Variants in SLC9C2 observed in about 807,000 individuals in gnomAD.
SLC9C2 encodes solute carrier family 9 member C2 (putative).
In SLC9C2, 75 loss-of-function variants were observed where a neutral mutation model predicts 140.2. The ratio of observed to expected loss-of-function variants is 0.53; its 90% CI spans 0.44 to 0.65. The LOEUF (loss-of-function observed/expected upper bound fraction) is 0.65. Among genes scored for constraint, SLC9C2 ranks in the 30% least tolerant of loss-of-function variants. SLC9C2 has a pLI of 0.00. For missense variants in SLC9C2, 1,074 were observed against 1,331.8 expected, an observed-to-expected ratio of 0.81 and a Z score of 3.01; for synonymous variants, 375 against 420.9, an observed-to-expected ratio of 0.89 and a Z score of 1.34.
intron 14 of SLC9C2, among the ~76,000 whole-genome samples, chr1:173,536,648 C>G (rs1396609059): frequency 6.6e-6 from 1 of 152,120 alleles, no homozygotes; most frequent in East Asian, 1.9e-4. Context: ...TATAAGTTCC[C>G]TTTCATGGAT....
At position 173,567,762 on chromosome 1, in the gene SLC9C2, A is replaced by G. The variant is rs533346736; in HGVS notation, c.1046+5420T>C. ...TCTTTCCTTCCTTCCAGCCCTTTCA[A>G]TGAAGGTGATTTTCACTGGCAGTAT... On this transcript the variant is annotated intron_variant, in intron 9 of 27. Transcript: ENST00000367714. Among the ~76,000 whole-genome samples the G allele has an allele frequency of 3.3e-5, 5 of 151,866 alleles. No individual in the cohort carries two copies. In the East Asian group the frequency reaches 5.8e-4, roughly 18 times the overall value.
Position 173,594,327 on chromosome 1 carries a change from T to C in SLC9C2, c.357+3577A>G, listed in dbSNP as rs1666332773. On this transcript the variant is annotated intron_variant, in intron 4 of 27. Coordinates refer to ENST00000367714, the MANE Select transcript of SLC9C2 (RefSeq NM_178527.4). The stretch of plus-strand genomic sequence containing the variant: ...AGGAAGACATTGAATGTTCCCTACA[T>C]GAAGAAATAATGTTTCAGAAGATAA... Among the ~76,000 whole-genome samples, 5 of 152,282 alleles carry C rather than the reference T, an allele frequency of 3.3e-5. No homozygotes were observed. In the South Asian group the frequency reaches 1.0e-3, roughly 32 times the overall value.
chr1:173,529,051 C>T (rs573485365), intron 18 of SLC9C2, among the ~76,000 whole-genome samples: 1 of 152,094 alleles, frequency 6.6e-6, no homozygotes, highest in African/African-American at 2.4e-5. Context: ...AAGGAAGCAA[C>T]CACAGTTTTT....
chr1:173,561,092 G>A (rs746874919), intron 9 of SLC9C2, among the ~76,000 whole-genome samples: 6 of 152,086 alleles, frequency 3.9e-5, no homozygotes, highest in Non-Finnish European at 5.9e-5. Flanking sequence ...CACCGTGCCC[G>A]GCCCCATACC....
At chr1:173,550,717 G>T (rs548993054) in intron 11 of SLC9C2, among the ~76,000 whole-genome samples, 1 of 151,022 alleles carries the variant, frequency 6.6e-6, no homozygotes, top group Non-Finnish European at 1.5e-5. Context: ...GATTACAGGC[G>T]TGAGCCACCA....
chr1:173,550,978 G>A (rs1180583446), intron 11 of SLC9C2, among the ~76,000 whole-genome samples: 8 of 151,784 alleles, frequency 5.3e-5, no homozygotes, highest in African/African-American at 1.9e-4. Flanking sequence ...GAAAAGGAGA[G>A]CTGCCTAAAA....
intron 23 of SLC9C2, among the ~76,000 whole-genome samples, chr1:173,511,505 T>C (rs1031919389): frequency 2.0e-5 from 3 of 152,208 alleles, no homozygotes; most frequent in Non-Finnish European, 4.4e-5. Context: ...CACTTTTTGA[T>C]GGGGTTTTTC....
Position 173,524,901 on chromosome 1 carries a change from C to T in SLC9C2, c.2392G>A (p.Val798Ile), listed in dbSNP as rs751385756. The T allele has an allele frequency of 3.7e-6, 6 of 1,614,064 alleles. No individual in the cohort carries two copies. The highest frequency in any genetic ancestry group is 1.7e-5 in the Admixed American group (1 of 60,024). ...LVLMEHEGRD[V>I]VIALKTKQAI... is the part of the protein sequence containing the mutation. ...TGTTTAGTCTTCAAAGCAATGACAA[C>T]ATCACGACCCTCATGCTCCATGAGT... is the stretch of plus-strand genomic sequence containing the variant. The change falls in exon 20 of 28, where the codon GTT becomes ATT. Residue 798 changes from valine (V) to isoleucine (I), a missense_variant. Physicochemically the swap from Val to Ile is conservative, Grantham distance 29 (BLOSUM62 3). Transcript: ENST00000367714.
rs1407488315 is a variant in SLC9C2, at chr1:173,533,745, A to C, written c.2027T>G (p.Phe676Cys). ...AATGATTCCAATAACCAGGATAAAA[A>C]ATTCCAAAGTATTCCAACATTGTTG... The part of the protein sequence containing the change: ...YFQQCWNTLE[F>C]FILVIGIIDI... Residue 676 changes from phenylalanine to cysteine, a missense_variant, in exon 17 of 28, where the codon TTT becomes TGT. Phe to Cys is a radical substitution (Grantham distance 205, BLOSUM62 -2). Coordinates refer to ENST00000367714, the MANE Select transcript of SLC9C2 (RefSeq NM_178527.4). The C allele has an allele frequency of 1.2e-6, 2 of 1,606,310 alleles. No individual in the cohort carries two copies. Among genetic ancestry groups the C allele is most frequent in the East Asian group, 4.5e-5 (2 of 44,722 alleles).
At chr1:173,561,854 CAG>C (rs60650245) in intron 9 of SLC9C2, among the ~76,000 whole-genome samples, 29,491 of 143,928 alleles carry the variant, frequency 0.2, 4,788 homozygotes, top group African/African-American at 0.47. Context: ...CACACACACA[CAG>C]ACACAGACAC....
chr1:173,500,772 T>C lies in SLC9C2; in HGVS notation c.*322A>G, dbSNP rs1391101116. ...CATATCAGTTATACAACACTTTTTA[T>C]AATGCACTATGTTAAAATTTGCTCT... On this transcript the variant is annotated 3_prime_UTR_variant, in exon 28 of 28. Transcript: ENST00000367714. The C allele has an allele frequency of 2.2e-5, 4 of 178,788 alleles. No homozygotes were observed. The highest frequency in any genetic ancestry group is 9.3e-5 in the African/African-American group (4 of 42,874). 11.1% of individuals were successfully genotyped at this position (178,788 alleles called of 1,614,324 possible). A position where few individuals can be genotyped will look rare whatever the true frequency, so the allele number is the denominator to read the frequency against.
chr1:173,560,696 T>C (rs538878266), intron 9 of SLC9C2, among the ~76,000 whole-genome samples: 3 of 152,270 alleles, frequency 2.0e-5, no homozygotes, highest in African/African-American at 4.8e-5. Context: ...TCCTTTGAAT[T>C]TGTAAATCTA....
chr1:173,548,524 T>C lies in SLC9C2; in HGVS notation c.1326A>G (p.Gln442=), dbSNP rs748822107. 2.2e-5 allele frequency: 36 copies of C among 1,613,646 alleles called. No individual in the cohort carries two copies. The Middle Eastern group carries it at 8.2e-4, about 37-fold the overall frequency. The change falls in exon 12 of 28, where the codon CAA becomes CAG. Residue 442 remains glutamine (Q), a synonymous_variant. Transcript: ENST00000367714. ...GCTGAGTGGCATTTTGCAAGATCAT[T>C]TGTCTTGGGAGGGAAAGAACACACA... The part of the protein sequence containing the change: ...LDLCVLSLPR[Q]MILQNATQHI...
chr1:173,580,485 G>A (rs1665460043), intron 7 of SLC9C2, among the ~76,000 whole-genome samples: 1 of 152,070 alleles, frequency 6.6e-6, no homozygotes, highest in Admixed American at 6.5e-5. Flanking sequence ...CCCAGTGGCT[G>A]GAATTACAGG....
chr1:173,554,678 T>G (rs1015055912), intron 11 of SLC9C2, 55 bp downstream of exon 11: 17 of 1,131,884 alleles, frequency 1.5e-5, no homozygotes, highest in Non-Finnish European at 2.1e-5. Flanking sequence ...CACCCAACAA[T>G]AACCTGTTTG....
intron 16 of SLC9C2, among the ~76,000 whole-genome samples, chr1:173,534,069 T>C (rs1558038996): frequency 6.6e-6 from 1 of 152,188 alleles, no homozygotes; most frequent in Non-Finnish European, 1.5e-5. Context: ...CTATTAATAA[T>C]AAAGTATGAA....
At chr1:173,602,679 T>C (rs1666858389) in intron 1 of SLC9C2, 72 bp downstream of exon 1, 1 of 152,190 alleles carries the variant, frequency 6.6e-6, no homozygotes, top group Admixed American at 6.5e-5. Flanking sequence ...TGTTTTATTT[T>C]TCCTTGCAGC....
chr1:173,526,374 A>T (rs1025685220), intron 19 of SLC9C2, among the ~76,000 whole-genome samples: 3 of 151,792 alleles, frequency 2.0e-5, no homozygotes, highest in Non-Finnish European at 2.9e-5. Flanking sequence ...CACTTTCCAC[A>T]CTCCTCTCAT....
chr1:173,500,781 A>G lies in SLC9C2; in HGVS notation c.*313T>C, dbSNP rs970086963. ...TATACAACACTTTTTATAATGCACT[A>G]TGTTAAAATTTGCTCTTAGCTGGAA... On this transcript the variant is annotated 3_prime_UTR_variant, in exon 28 of 28. Transcript: ENST00000367714. 1.1e-5 allele frequency: 2 copies of G among 187,206 alleles called. No homozygotes were observed. Among genetic ancestry groups the G allele is most frequent in the African/African-American group, 4.6e-5 (2 of 43,048 alleles). The allele number at this position is 187,206 out of a possible 1,614,324, so 11.6% of individuals were successfully genotyped here. A position where few individuals can be genotyped will look rare whatever the true frequency, so the allele number is the denominator to read the frequency against.
Sources: gnomAD v4.1 joint callset for allele counts (sites outside exome capture counted in the v4.1 genomes callset) on GRCh38, gnomAD v4.1.1 for gene constraint, MANE v1.5 for transcripts, NCBI Gene and HGNC (gene_info 2026-07-23, HGNC 2026-07-21) for gene names.